POU1F1: variants seen among roughly 807,000 people sequenced by gnomAD.
POU1F1 encodes the protein pituitary-specific positive transcription factor 1.
POU1F1 carries 23 observed loss-of-function variants against 32.3 expected under a neutral mutation model. The observed-to-expected ratio is 0.71, with a 90% CI of 0.51 to 1.01. The LOEUF (loss-of-function observed/expected upper bound fraction) is 1.01. Among genes scored for constraint, POU1F1 ranks in the 50% least tolerant of loss-of-function variants. The pLI, the probability that POU1F1 is intolerant of heterozygous loss-of-function variation, is 0.00. For missense variants in POU1F1, 323 were observed against 341.6 expected (o/e 0.95, Z 0.43); for synonymous variants, 120 against 115.6 (o/e 1.04, Z -0.25).
chr3:87,274,669 A>C (rs1238624075), intron 1 of POU1F1, among the ~76,000 whole-genome samples: 3 of 151,558 alleles, frequency 2.0e-5, no homozygotes. Context: ...AATTATCATT[A>C]AACATATTTA....
At chr3:87,270,863 T>C (rs1706709079) in intron 2 of POU1F1, among the ~76,000 whole-genome samples, 1 of 152,166 alleles carries the variant, frequency 6.6e-6, no homozygotes, top group Non-Finnish European at 1.5e-5. Flanking sequence ...GTTCAGATTC[T>C]CTAAGATCTA....
chr3:87,272,111 A>T (rs1328683001), intron 2 of POU1F1, among the ~76,000 whole-genome samples: 1 of 151,836 alleles, frequency 6.6e-6, no homozygotes, highest in African/African-American at 2.4e-5. Flanking sequence ...CTGTATCATA[A>T]CAAAACACAA....
At position 87,273,350 on chromosome 3, in the gene POU1F1, C is replaced by T; in HGVS notation, c.211G>A (p.Ala71Thr). ...GNQPSTYGVM[A>T]GSLTPCLYKF... ...TGTAAAAGACAACTTTTCTTACCTG[C>T]CATCACTCCATAGGTTGATGGCTGG... The change falls in exon 2 of 6, where the codon GCA becomes ACA. Residue 71 changes from alanine to threonine, a missense_variant. Transcript: ENST00000350375. The T allele has an allele frequency of 1.2e-6, 2 of 1,612,020 alleles. No individual in the cohort carries two copies. The highest frequency in any genetic ancestry group is 1.7e-6 in the Non-Finnish European group (2 of 1,178,700).
chr3:87,276,106 C>G (rs1177441137), intron 1 of POU1F1, among the ~76,000 whole-genome samples: 1 of 152,088 alleles, frequency 6.6e-6, no homozygotes. Flanking sequence ...ACAAAGCCAA[C>G]AGTGATTTTA....
chr3:87,270,786 C>G (rs1193795245), intron 2 of POU1F1, among the ~76,000 whole-genome samples: 1 of 152,078 alleles, frequency 6.6e-6, no homozygotes, highest in African/African-American at 2.4e-5. Context: ...CCTTTTCTCT[C>G]TTATTTCTGA....
chr3:87,271,435 G>A (rs1706718550), intron 2 of POU1F1, among the ~76,000 whole-genome samples: 1 of 152,186 alleles, frequency 6.6e-6, no homozygotes, highest in African/African-American at 2.4e-5. Flanking sequence ...CCTGCTCTGT[G>A]ACTGGTTTTA....
At chr3:87,269,398 G>A (rs1340461641) in intron 2 of POU1F1, among the ~76,000 whole-genome samples, 1 of 152,140 alleles carries the variant, frequency 6.6e-6, no homozygotes, top group Non-Finnish European at 1.5e-5. Flanking sequence ...TAGTCTGGAA[G>A]TGAAAATACA....
At chr3:87,260,710 T>C (rs1190101008) in intron 5 of POU1F1, among the ~76,000 whole-genome samples, 1 of 152,094 alleles carries the variant, frequency 6.6e-6, no homozygotes, top group East Asian at 1.9e-4. Flanking sequence ...GGGGAGAAGA[T>C]ATGGCCAGTC....
intron 1 of POU1F1, among the ~76,000 whole-genome samples, chr3:87,275,182 T>G (rs2106942703): frequency 6.6e-6 from 1 of 152,136 alleles, no homozygotes; most frequent in Non-Finnish European, 1.5e-5. Flanking sequence ...GGATACTTCC[T>G]GTATTACCCT....
intron 1 of POU1F1, among the ~76,000 whole-genome samples, chr3:87,275,806 AAT>A (rs1370236358): frequency 1.3e-5 from 2 of 152,018 alleles, no homozygotes; most frequent in Non-Finnish European, 2.9e-5. Context: ...CTTATGCTAA[AAT>A]ATGTTAATTA....
chr3:87,273,708 T>G (rs913723905), intron 1 of POU1F1, among the ~76,000 whole-genome samples: 2 of 152,194 alleles, frequency 1.3e-5, no homozygotes, highest in African/African-American at 4.8e-5. Context: ...CTGTGCTCTG[T>G]GCTATGGCTA....
intron 3 of POU1F1, 57 bp from the exon 4 acceptor site, chr3:87,262,292 G>C (rs1270285596): frequency 6.3e-7 from 1 of 1,596,324 alleles, no homozygotes; most frequent in Non-Finnish European, 8.6e-7. Flanking sequence ...GTTAATTTTG[G>C]TTCATTGTCA....
In POU1F1 at chr3:87,259,660, A is replaced by T. The variant is rs1044688274; in HGVS notation, c.*234T>A. ...CAGAGAGATCATTTTATTACTGTTA[A>T]TATATTTGGCTTAAAATAGATAATG... is the stretch of plus-strand genomic sequence containing the variant. On this transcript the variant is annotated 3_prime_UTR_variant, in exon 6 of 6. Transcript: ENST00000350375. 2.0e-6 allele frequency: 1 copy of T among 504,854 alleles called. No individual in the cohort carries two copies. The highest frequency in any genetic ancestry group is 3.4e-5 in the Admixed American group (1 of 29,412). 31.3% of individuals were successfully genotyped at this position (504,854 alleles called of 1,614,324 possible).
intron 5 of POU1F1, among the ~76,000 whole-genome samples, chr3:87,260,847 AGTT>A (rs1208153057): frequency 6.6e-6 from 1 of 150,888 alleles, no homozygotes; most frequent in Non-Finnish European, 1.5e-5. Context: ...CTCAAAATTA[AGTT>A]ATTACATTAT....
chr3:87,273,008 C>T (rs943636130), intron 2 of POU1F1, among the ~76,000 whole-genome samples: 3 of 152,054 alleles, frequency 2.0e-5, no homozygotes, highest in East Asian at 1.9e-4. Context: ...AATAGCCACA[C>T]GTGTCTAGTA....
intron 1 of POU1F1, among the ~76,000 whole-genome samples, chr3:87,274,705 A>C (rs1404726307): frequency 1.3e-5 from 2 of 151,622 alleles, no homozygotes; most frequent in African/African-American, 4.8e-5. Context: ...CATTAAAGTC[A>C]GTGTTTCTAT....
At chr3:87,273,255 C>A (rs1706759644) in intron 2 of POU1F1, 92 bp downstream of exon 2, 2 of 1,324,084 alleles carry the variant, frequency 1.5e-6, no homozygotes, top group African/African-American at 1.5e-5. Context: ...AATCAAATTT[C>A]ATGTCACACT....
rs1303026068 is a variant in POU1F1 at position 87,259,750 on chromosome 3, TTTTTAAAAAAAAGTGGAAAA to T, written c.*124_*143del. ...TATAATTTAAATTGTTGGTTTCTTT[TTTTTAAAAAAAAGTGGAAAA>T]GTAAAGCTTCTGTAAAAGCTATTGA... On this transcript the variant is annotated 3_prime_UTR_variant, in exon 6 of 6. Coordinates refer to ENST00000350375, the MANE Select transcript of POU1F1 (RefSeq NM_000306.4). 2 of 690,600 alleles carry T rather than the reference TTTTTAAAAAAAAGTGGAAAA, an allele frequency of 2.9e-6. No homozygotes were observed. The highest frequency in any genetic ancestry group is 4.8e-6 in the Non-Finnish European group (2 of 413,912). 42.8% of individuals were successfully genotyped at this position (690,600 alleles called of 1,614,324 possible). A position where few individuals can be genotyped will look rare whatever the true frequency, so the allele number is the denominator to read the frequency against.
chr3:87,273,215 G>A, intron 2 of POU1F1, 132 bp downstream of exon 2: 1 of 1,008,620 alleles, frequency 9.9e-7, no homozygotes, highest in Non-Finnish European at 1.5e-6. Flanking sequence ...AAGAAGTGGT[G>A]ATTTTTAACA....
Sources: allele counts gnomAD v4.1 joint callset (sites outside exome capture counted in the v4.1 genomes callset), GRCh38; gene constraint gnomAD v4.1.1; transcripts MANE v1.5; gene names NCBI Gene and HGNC (gene_info 2026-07-23, HGNC 2026-07-21).